The following TOP2B variants were observed in gnomAD, a reference collection of about 807,000 sequenced individuals.
TOP2B encodes the protein DNA topoisomerase 2-beta.
In TOP2B, 51 loss-of-function variants were observed where a neutral mutation model predicts 193.5. The observed-to-expected ratio is 0.26, with a 90% confidence interval of 0.21 to 0.33. TOP2B has a LOEUF of 0.33. Ranked by LOEUF, TOP2B falls within the 10% of genes least tolerant of loss-of-function variation. The pLI is 1.00. For synonymous variants in TOP2B, 634 were observed against 635.7 expected, an observed-to-expected ratio of 1.00 and a Z score of 0.04; for missense variants, 1,378 against 1,909.3, an observed-to-expected ratio of 0.72 and a Z score of 5.19.
At position 25,629,151 on chromosome 3, in the gene TOP2B, T is replaced by C; in HGVS notation, c.1690-6A>G. The C allele has an allele frequency of 2.0e-6, 3 of 1,515,346 alleles. No homozygotes were observed. Among genetic ancestry groups the C allele is most frequent in the Non-Finnish European group, 2.7e-6 (3 of 1,123,098 alleles). 93.9% of individuals were successfully genotyped at this position (1,515,346 alleles called of 1,614,324 possible). A position where few individuals can be genotyped will look rare whatever the true frequency, so the allele number is the denominator to read the frequency against. Reference sequence around the variant, plus strand: ...ATGTGAGAACCATCTTGATCCTAAATAAATGTTAGTAAAGTAAAAAATGTT... The same window carrying C: ...ATGTGAGAACCATCTTGATCCTAAACAAATGTTAGTAAAGTAAAAAATGTT... On this transcript the variant is annotated splice_region_variant and splice_polypyrimidine_tract_variant and intron_variant, in intron 13 of 35. Coordinates refer to ENST00000264331, the MANE Select transcript of TOP2B (RefSeq NM_001330700.2).
intron 23 of TOP2B, 80 bp downstream of exon 23, chr3:25,619,782 T>TC: frequency 1.2e-6 from 1 of 845,844 alleles, no homozygotes; most frequent in Non-Finnish European, 1.8e-6. Flanking sequence ...CTATAGCCAC[T>TC]CCCATCATGA....
chr3:25,644,302 G>T (rs1703349959), intron 2 of TOP2B, among the ~76,000 whole-genome samples: 1 of 152,084 alleles, frequency 6.6e-6, no homozygotes, highest in African/African-American at 2.4e-5. Flanking sequence ...GATCAAATGA[G>T]ATAATATATG....
At chr3:25,656,492 C>T (rs560959939) in intron 1 of TOP2B, among the ~76,000 whole-genome samples, 83 of 152,152 alleles carry the variant, frequency 5.5e-4, no homozygotes, top group African/African-American at 1.9e-3. Flanking sequence ...AATATAAACC[C>T]TTAAACTTGG....
At chr3:25,662,970 T>G (rs1376318822) in intron 1 of TOP2B, among the ~76,000 whole-genome samples, 3 of 152,218 alleles carry the variant, frequency 2.0e-5, no homozygotes, top group African/African-American at 7.2e-5. Flanking sequence ...TACCCTCTAC[T>G]GCAAGTCCAC....
Position 25,612,653 on chromosome 3 carries a change from A to C in TOP2B, c.3648T>G (p.Ile1216Met). ...CCTTAGGTTTGCCAACTTTACCTTT[A>C]ATTGCTTTTCCAGACATTCCAGCCA... ...DVLAGMSGKA[I>M]KGKVGKPKVK... Residue 1216 changes from isoleucine (I) to methionine (M), a missense_variant, in exon 28 of 36, where the codon ATT (isoleucine) becomes ATG (methionine). By Grantham distance (10) the Ile-to-Met change is conservative. Around this residue, in one of 9 missense-constraint regions of TOP2B, gnomAD observed 556 missense variants for 584.2 expected, o/e 0.95. Coordinates refer to ENST00000264331, the MANE Select transcript of TOP2B (RefSeq NM_001330700.2). The C allele has an allele frequency of 6.2e-7, 1 of 1,613,638 alleles. No homozygotes were observed. Among genetic ancestry groups the C allele is most frequent in the South Asian group, 1.1e-5 (1 of 91,074 alleles).
intron 22 of TOP2B, 57 bp downstream of exon 22, chr3:25,620,625 G>C: frequency 6.5e-7 from 1 of 1,546,552 alleles, no homozygotes; most frequent in African/African-American, 1.4e-5. Flanking sequence ...ATCCTTACCA[G>C]AAAAAATTGC....
At chr3:25,643,490 G>A (rs1703321136) in intron 3 of TOP2B, among the ~76,000 whole-genome samples, 1 of 152,244 alleles carries the variant, frequency 6.6e-6, no homozygotes, top group East Asian at 1.9e-4. Context: ...TTTCATAGAT[G>A]AAGAAAATGA....
chr3:25,616,570 A>G (rs1034955965), intron 25 of TOP2B, among the ~76,000 whole-genome samples: 10 of 152,054 alleles, frequency 6.6e-5, no homozygotes, highest in African/African-American at 2.4e-4. Flanking sequence ...TGATTAAGCC[A>G]CATTAGCCAA....
intron 6 of TOP2B, among the ~76,000 whole-genome samples, chr3:25,636,352 G>A (rs1263583422): frequency 6.6e-6 from 1 of 152,006 alleles, no homozygotes; most frequent in African/African-American, 2.4e-5. Context: ...TTCTACATTT[G>A]CAGATTCGAC....
rs1053787984 is a variant in TOP2B, at chr3:25,628,798, G to A, written c.1906+49C>T. On this transcript the variant is annotated intron_variant, in intron 15 of 35. Transcript: ENST00000264331. The stretch of plus-strand genomic sequence containing the variant: ...GTCATCTTTTAGATTGCTTTCATAA[G>A]AATACATTTATATCAGTATTTAAAA... 2.7e-6 allele frequency: 3 copies of A among 1,126,104 alleles called. No homozygotes were observed. In the African/African-American group the frequency reaches 4.8e-5, roughly 18 times the overall value. 69.8% of individuals were successfully genotyped at this position (1,126,104 alleles called of 1,614,324 possible).
At chr3:25,661,498 T>C (rs924351398) in intron 1 of TOP2B, among the ~76,000 whole-genome samples, 2 of 152,200 alleles carry the variant, frequency 1.3e-5, no homozygotes, top group African/African-American at 2.4e-5. Flanking sequence ...TCACTTATGA[T>C]ACAAGACTGA....
intron 32 of TOP2B, 109 bp from the exon 33 acceptor site, chr3:25,604,979 G>C (rs1702200147): frequency 1.4e-6 from 1 of 729,912 alleles, no homozygotes; most frequent in African/African-American, 1.8e-5. Flanking sequence ...TTGATCTTAT[G>C]TTACTATTTT....
At chr3:25,664,161 T>C in intron 1 of TOP2B, 68 bp downstream of exon 1, 5 of 1,067,174 alleles carry the variant, frequency 4.7e-6, no homozygotes, top group Non-Finnish European at 6.6e-6. Flanking sequence ...CCCCCGCCCG[T>C]TCGGAATTCC....
At chr3:25,632,322 G>A in intron 10 of TOP2B, 124 bp downstream of exon 10, 1 of 784,760 alleles carries the variant, frequency 1.3e-6, no homozygotes, top group South Asian at 1.9e-5. Flanking sequence ...TTAGTTTGTA[G>A]TGCAAGCATG....
chr3:25,634,778 C>CAAA (rs34755793), intron 7 of TOP2B, among the ~76,000 whole-genome samples: 134 of 26,318 alleles, frequency 5.1e-3, no homozygotes, highest in East Asian at 5.9e-3. Flanking sequence ...TCTCCCTTAC[C>CAAA]AAAAAAAAAA....
chr3:25,643,834 A>G (rs781779389), intron 2 of TOP2B, 50 bp from the exon 3 acceptor site: 2 of 1,342,138 alleles, frequency 1.5e-6, no homozygotes, highest in East Asian at 4.6e-5. Context: ...CCTTAATATC[A>G]ATTTTTCATA....
chr3:25,643,049 C>T (rs1467195736), intron 3 of TOP2B, among the ~76,000 whole-genome samples: 2 of 152,120 alleles, frequency 1.3e-5, no homozygotes, highest in African/African-American at 2.4e-5. Flanking sequence ...GTTTTAATCT[C>T]TTATCTCTTC....
chr3:25,664,148 C>T, intron 1 of TOP2B, 81 bp downstream of exon 1: 1 of 1,522,146 alleles, frequency 6.6e-7, no homozygotes, highest in Non-Finnish European at 8.8e-7. Flanking sequence ...CTCCCTTTCC[C>T]CTCCCCCGCC....
Position 25,630,376 on chromosome 3 carries a change from T to C in TOP2B, c.1499A>G (p.Asp500Gly). 1 of 1,551,690 alleles carries C rather than the reference T, an allele frequency of 6.4e-7. No homozygotes were observed. The highest frequency in any genetic ancestry group is 8.7e-7 in the Non-Finnish European group (1 of 1,146,860). ...AVSGLGVIGRDRYGVFPLRGK... is the reference protein window; with the variant it reads ...AVSGLGVIGRGRYGVFPLRGK... ...CCTGAGTGGAAAAACTCCGTATCTGTCTCGTCCAATCACACCTAATCCAGA... is the reference window on the plus strand; with the variant it reads ...CCTGAGTGGAAAAACTCCGTATCTGCCTCGTCCAATCACACCTAATCCAGA... The change falls in exon 12 of 36, where the codon GAC becomes GGC. Residue 500 changes from aspartate (D) to glycine (G), a missense_variant. This residue lies in a region of TOP2B where 66 missense variants were observed against 153.3 expected (regional missense o/e 0.43). Coordinates refer to ENST00000264331, the MANE Select transcript of TOP2B (RefSeq NM_001330700.2).
Sources: gnomAD v4.1 joint callset for allele counts (sites outside exome capture counted in the v4.1 genomes callset) on GRCh38, gnomAD v4.1.1 for gene constraint, gnomAD v4.1.1 regional missense constraint, MANE v1.5 for transcripts, NCBI Gene and HGNC (gene_info 2026-07-23, HGNC 2026-07-21) for gene names.